The following DGKD variants were observed in gnomAD, a reference collection of about 807,000 sequenced individuals.
DGKD encodes the protein DAG kinase delta.
DGKD carries 68 observed loss-of-function variants against 154.4 expected under a neutral mutation model. That is an observed-to-expected ratio of 0.44 (90% CI 0.36 to 0.54). The LOEUF is 0.54. Ranked by LOEUF, DGKD falls within the 20% of genes least tolerant of loss-of-function variation. DGKD has a pLI of 0.00. For missense variants in DGKD, 1,343 were observed against 1,593.6 expected (o/e 0.84, Z 2.68); for synonymous variants, 693 against 638.0 (o/e 1.09, Z -1.30).
Position 233,452,165 on chromosome 2 carries a change from C to G in DGKD, c.2264+105C>G. On this transcript the variant is annotated intron_variant, in intron 18 of 29. Coordinates refer to ENST00000264057, the MANE Select transcript of DGKD (RefSeq NM_152879.3). This position sits in a 1 kb window ranked among gnomAD's most constrained non-coding sequence, Gnocchi z 4.0. ...GAGAAATTAGTGAGCAGTTGCCCAG[C>G]TGGTGGTAGCTGATAAGGAAGGCTG... 9.6e-7 allele frequency: 1 copy of G among 1,038,076 alleles called. No individual in the cohort carries two copies. The highest frequency in any genetic ancestry group is 2.3e-4 in the Middle Eastern group (1 of 4,372). The allele number at this position is 1,038,076 out of a possible 1,614,324, so 64.3% of individuals were successfully genotyped here. A position where few individuals can be genotyped will look rare whatever the true frequency, so the allele number is the denominator to read the frequency against.
chr2:233,397,652 TGG>T lies in DGKD; in HGVS notation c.348+7171_348+7172del, dbSNP rs993271839. ...AGCTTGGGACTTACTCCTCAGGACT[TGG>T]GCTGCTGTTGAATAGTTTTATTTGG... On this transcript the variant is annotated intron_variant, in intron 3 of 29. Transcript: ENST00000264057. Among the ~76,000 whole-genome samples, 7 of 152,218 alleles carry T rather than the reference TGG, an allele frequency of 4.6e-5. No individual in the cohort carries two copies. The East Asian group carries it at 1.4e-3, about 29-fold the overall frequency.
At chr2:233,413,488 G>A (rs1316695910) in intron 3 of DGKD, among the ~76,000 whole-genome samples, 2 of 151,880 alleles carry the variant, frequency 1.3e-5, no homozygotes, top group Admixed American at 1.3e-4. Flanking sequence ...ATTTATGTCT[G>A]TTGGATGGAG....
At chr2:233,429,530 G>A (rs565619330) in intron 3 of DGKD, among the ~76,000 whole-genome samples, 6 of 152,222 alleles carry the variant, frequency 3.9e-5, no homozygotes, top group African/African-American at 1.2e-4. Flanking sequence ...CCACTTTGTC[G>A]TCTTCATGGC....
At chr2:233,436,013 C>T in intron 6 of DGKD, 89 bp downstream of exon 6, 5 of 1,329,106 alleles carry the variant, frequency 3.8e-6, no homozygotes, top group Non-Finnish European at 5.2e-6. Context: ...CCCTCCCTGC[C>T]ACTGTTTCAT....
chr2:233,387,356 C>T (rs1286712591), intron 1 of DGKD, among the ~76,000 whole-genome samples: 1 of 152,154 alleles, frequency 6.6e-6, no homozygotes, highest in African/African-American at 2.4e-5. Flanking sequence ...GTGGACTGGG[C>T]ATTTCCGTGA....
chr2:233,377,078 C>CTTT (rs755610624), intron 1 of DGKD, among the ~76,000 whole-genome samples: 16 of 129,304 alleles, frequency 1.2e-4, no homozygotes, highest in African/African-American at 3.0e-4. Context: ...TAGCATGTTC[C>CTTT]TTTTTTTTTT....
Position 233,462,331 on chromosome 2 carries a change from C to G in DGKD, c.2982-17C>G, listed in dbSNP as rs760863976. On this transcript the variant is annotated splice_polypyrimidine_tract_variant and intron_variant, in intron 24 of 29. Transcript: ENST00000264057. ...CCATTTGGCCTGACATCTGCCCGTG[C>G]TTCTCTTCCTCTCTAGTATCCGAGA... The G allele has an allele frequency of 6.1e-5, 96 of 1,585,292 alleles. No homozygotes were observed. The highest frequency in any genetic ancestry group is 7.9e-5 in the Non-Finnish European group (91 of 1,157,244).
At chr2:233,413,164 G>A (rs547457907) in intron 3 of DGKD, among the ~76,000 whole-genome samples, 64 of 152,260 alleles carry the variant, frequency 4.2e-4, no homozygotes, top group Admixed American at 7.2e-4. Context: ...TTGGGAGGCC[G>A]AAGCAGGTGG....
intron 14 of DGKD, among the ~76,000 whole-genome samples, chr2:233,448,860 G>C (rs1293591768): frequency 6.6e-6 from 1 of 152,236 alleles, no homozygotes; most frequent in Non-Finnish European, 1.5e-5. Context: ...CTAAGACTCA[G>C]CTCGCAATCA....
intron 1 of DGKD, among the ~76,000 whole-genome samples, chr2:233,374,408 C>T (rs1388841432): frequency 1.3e-5 from 2 of 152,186 alleles, no homozygotes; most frequent in East Asian, 1.9e-4. Flanking sequence ...CATCATCACT[C>T]ACTGCAGCCT....
At chr2:233,415,682 G>A (rs1206941183) in intron 3 of DGKD, among the ~76,000 whole-genome samples, 1 of 152,214 alleles carries the variant, frequency 6.6e-6, no homozygotes, top group Non-Finnish European at 1.5e-5. Flanking sequence ...GAAGTGCAAT[G>A]GCGTGATCAA....
At position 233,434,916 on chromosome 2, in the gene DGKD, T is replaced by A. The variant is rs1446138113; in HGVS notation, c.586+15T>A. ...GTCCTGCGAGGGTACGGATGTGCGT[T>A]TGTTATTCTGTCAGGAAAGGTGGCC... On this transcript the variant is annotated intron_variant, in intron 5 of 29. Coordinates refer to ENST00000264057, the MANE Select transcript of DGKD (RefSeq NM_152879.3). The A allele has an allele frequency of 6.2e-7, 1 of 1,600,586 alleles. No homozygotes were observed. Among genetic ancestry groups the A allele is most frequent in the Non-Finnish European group, 8.5e-7 (1 of 1,173,450 alleles).
rs755610624 is a variant in DGKD, at chr2:233,377,078, C to CTT, written c.157-11160_157-11159dup. ...AAGATATTAATAGCGTAGCATGTTC[C>CTT]TTTTTTTTTTTTTTTTTTTTGGAGA... On this transcript the variant is annotated intron_variant, in intron 1 of 29. Transcript: ENST00000264057. 3.7e-3 allele frequency among the ~76,000 whole-genome samples: 474 copies of CTT among 129,272 alleles called. 9 individuals are homozygous for CTT. The highest frequency in any genetic ancestry group is 0.012 in the African/African-American group (386 of 33,504). 84.8% of individuals were successfully genotyped at this position (129,272 alleles called of 152,430 possible). A position where few individuals can be genotyped will look rare whatever the true frequency, so the allele number is the denominator to read the frequency against.
chr2:233,417,231 C>T (rs1023245491), intron 3 of DGKD, among the ~76,000 whole-genome samples: 40 of 152,200 alleles, frequency 2.6e-4, no homozygotes, highest in East Asian at 9.7e-4. Flanking sequence ...TGGGATTTCA[C>T]CATGTTGGCC....
chr2:233,370,570 C>CTTTTTT (rs56301429), intron 1 of DGKD, among the ~76,000 whole-genome samples: 123 of 123,276 alleles, frequency 1.0e-3, no homozygotes, highest in Middle Eastern at 4.4e-3. Context: ...AGAACTTCTT[C>CTTTTTT]TTTTTTTTTT....
chr2:233,396,496 T>C (rs1418334766), intron 3 of DGKD, among the ~76,000 whole-genome samples: 1 of 151,962 alleles, frequency 6.6e-6, no homozygotes, highest in Non-Finnish European at 1.5e-5. Context: ...GCTTATATTC[T>C]CGTGGGAGAT....
chr2:233,401,312 A>G (rs939557260), intron 3 of DGKD, among the ~76,000 whole-genome samples: 2 of 152,236 alleles, frequency 1.3e-5, no homozygotes, highest in Non-Finnish European at 2.9e-5. Flanking sequence ...CTGATTATTC[A>G]GTGAATGAAC....
At chr2:233,369,215 T>G (rs1702189601) in intron 1 of DGKD, among the ~76,000 whole-genome samples, 1 of 152,166 alleles carries the variant, frequency 6.6e-6, no homozygotes, top group Non-Finnish European at 1.5e-5. Context: ...ATCTCAGTAT[T>G]TTTCCCTGTC....
At chr2:233,379,149 C>G (rs1381592691) in intron 1 of DGKD, among the ~76,000 whole-genome samples, 1 of 152,188 alleles carries the variant, frequency 6.6e-6, no homozygotes, top group Admixed American at 6.5e-5. Context: ...CATGTACTTG[C>G]AAAGCGGTGA....
Sources: allele counts gnomAD v4.1 joint callset (sites outside exome capture counted in the v4.1 genomes callset), GRCh38; gene constraint gnomAD v4.1.1; non-coding constraint Gnocchi (gnomAD v3.1); transcripts MANE v1.5; gene names NCBI Gene and HGNC (gene_info 2026-07-23, HGNC 2026-07-21).